TMEM132C: variants seen among roughly 807,000 people sequenced by gnomAD.
TMEM132C encodes protein phosphatase 1, regulatory subunit 152.
A neutral mutation model predicts 61.4 loss-of-function variants in TMEM132C; 29 were observed. The ratio of observed to expected loss-of-function variants is 0.47; its 90% CI spans 0.35 to 0.64. The LOEUF is 0.64. Among genes scored for constraint, TMEM132C ranks in the 30% least tolerant of loss-of-function variants. TMEM132C has a pLI of 0.00. For missense variants in TMEM132C, 1,408 were observed against 1,476.9 expected, an observed-to-expected ratio of 0.95 and a Z score of 0.76; for synonymous variants, 656 against 633.1, an observed-to-expected ratio of 1.04 and a Z score of -0.54.
chr12:128,631,596 T>A (rs1200684756), intron 4 of TMEM132C, among the ~76,000 whole-genome samples: 2 of 152,148 alleles, frequency 1.3e-5, no homozygotes, highest in Non-Finnish European at 2.9e-5. Flanking sequence ...TCAGCACAAT[T>A]TTGGAGCAGG....
intron 4 of TMEM132C, among the ~76,000 whole-genome samples, chr12:128,639,697 T>G (rs1954142464): frequency 6.6e-6 from 1 of 152,184 alleles, no homozygotes; most frequent in African/African-American, 2.4e-5. Flanking sequence ...GGTCTTCCAG[T>G]AGGCTGACCA....
At chr12:128,571,470 T>C (rs1874880917) in intron 3 of TMEM132C, among the ~76,000 whole-genome samples, 1 of 152,236 alleles carries the variant, frequency 6.6e-6, no homozygotes, top group African/African-American at 2.4e-5. Flanking sequence ...ACAATGAAAC[T>C]GTTGAGCAAC....
At chr12:128,540,856 G>C (rs567173935) in intron 2 of TMEM132C, among the ~76,000 whole-genome samples, 1 of 152,148 alleles carries the variant, frequency 6.6e-6, no homozygotes, top group South Asian at 2.1e-4. Context: ...CCCGCGGGTC[G>C]AGGGCTCACT....
chr12:128,537,752 T>G (rs1299083147), intron 2 of TMEM132C, among the ~76,000 whole-genome samples: 1 of 152,166 alleles, frequency 6.6e-6, no homozygotes, highest in East Asian at 1.9e-4. Flanking sequence ...GGATATAATT[T>G]CATAGAACTA....
intron 3 of TMEM132C, among the ~76,000 whole-genome samples, chr12:128,590,889 A>T (rs1018071455): frequency 6.6e-6 from 1 of 152,128 alleles, no homozygotes; most frequent in Non-Finnish European, 1.5e-5. Context: ...CCATCCTCCC[A>T]TCTCAGCCTC....
intron 2 of TMEM132C, among the ~76,000 whole-genome samples, chr12:128,529,741 G>C (rs959099294): frequency 1.3e-5 from 2 of 152,116 alleles, no homozygotes; most frequent in African/African-American, 2.4e-5. Context: ...AGCCGAGATC[G>C]TGCCACTGCA....
chr12:128,595,948 C>T (rs936364541), intron 3 of TMEM132C, among the ~76,000 whole-genome samples: 2 of 152,328 alleles, frequency 1.3e-5, no homozygotes, highest in Non-Finnish European at 1.5e-5. Context: ...CCCACCATGC[C>T]GTTAAGTCAG....
intron 4 of TMEM132C, among the ~76,000 whole-genome samples, chr12:128,631,329 C>T (rs1954063385): frequency 6.6e-6 from 1 of 152,184 alleles, no homozygotes; most frequent in Admixed American, 6.5e-5. Flanking sequence ...GGCCACTTTA[C>T]TGCACAGAGC....
At chr12:128,533,786 C>A (rs1873412628) in intron 2 of TMEM132C, among the ~76,000 whole-genome samples, 1 of 152,090 alleles carries the variant, frequency 6.6e-6, no homozygotes, top group African/African-American at 2.4e-5. Context: ...CAACCCATAA[C>A]AACAATAATT....
chr12:128,433,346 A>G (rs1257888948), intron 2 of TMEM132C, among the ~76,000 whole-genome samples: 2 of 152,126 alleles, frequency 1.3e-5, no homozygotes, highest in South Asian at 2.1e-4. Flanking sequence ...AAACAATCCA[A>G]TATTTTCTTT....
intron 2 of TMEM132C, among the ~76,000 whole-genome samples, chr12:128,499,343 T>C (rs1872077383): frequency 6.6e-6 from 1 of 152,220 alleles, no homozygotes; most frequent in African/African-American, 2.4e-5. Context: ...ATACAGTGTG[T>C]AATGATCAAA....
At chr12:128,601,629 A>T (rs1188935982) in intron 3 of TMEM132C, among the ~76,000 whole-genome samples, 1 of 148,862 alleles carries the variant, frequency 6.7e-6, no homozygotes, top group Non-Finnish European at 1.5e-5. Context: ...AGCCCTGGGG[A>T]AAAGCACAGG....
At chr12:128,315,818 C>T (rs10773526) in intron 1 of TMEM132C, among the ~76,000 whole-genome samples, 129,167 of 151,640 alleles carry the variant, frequency 0.85, 55,406 homozygotes, top group South Asian at 0.93. Flanking sequence ...GAGAAGGCCA[C>T]GCAGTGAAGA....
intron 2 of TMEM132C, among the ~76,000 whole-genome samples, chr12:128,490,272 A>G (rs184187711): frequency 2.0e-5 from 3 of 152,284 alleles, no homozygotes; most frequent in African/African-American, 7.2e-5. Context: ...TCATCTAGGC[A>G]ATGCTTGTAC....
At chr12:128,612,901 G>A (rs958392881) in intron 3 of TMEM132C, among the ~76,000 whole-genome samples, 4 of 152,202 alleles carry the variant, frequency 2.6e-5, no homozygotes, top group Admixed American at 6.5e-5. Flanking sequence ...CCTGGAGCAT[G>A]AGAAGTTGTG....
At chr12:128,527,707 ATGTGTG>A (rs5801799) in intron 2 of TMEM132C, among the ~76,000 whole-genome samples, 63 of 147,196 alleles carry the variant, frequency 4.3e-4, no homozygotes, top group Admixed American at 1.6e-3. Flanking sequence ...ATGTGCATGT[ATGTGTG>A]TGTGTGTGTG....
chr12:128,463,892 A>T (rs1327378163), intron 2 of TMEM132C, among the ~76,000 whole-genome samples: 1 of 152,056 alleles, frequency 6.6e-6, no homozygotes, highest in Non-Finnish European at 1.5e-5. Flanking sequence ...TGTGCAGGAG[A>T]CCAAGCCTCC....
At position 128,616,201 on chromosome 12, in the gene TMEM132C, A is replaced by G; in HGVS notation, c.1171A>G (p.Ser391Gly). ...TGTGCAGATGAACTTTGAAATAGCC[A>G]GTTTCAGCAGCCTTTCAGGGACTCA... ...EVVQMNFEIASFSSLSGTQPI... is the reference protein window; with the variant it reads ...EVVQMNFEIAGFSSLSGTQPI... The change falls in exon 4 of 9, where the codon AGT becomes GGT. Residue 391 changes from serine (S) to glycine (G), a missense_variant. Ser to Gly is a moderately conservative substitution (Grantham distance 56). Coordinates refer to ENST00000435159, the MANE Select transcript of TMEM132C (RefSeq NM_001136103.3). The G allele has an allele frequency of 1.9e-6, 3 of 1,551,768 alleles. No individual in the cohort carries two copies. Among genetic ancestry groups the G allele is most frequent in the Non-Finnish European group, 2.6e-6 (3 of 1,146,992 alleles).
intron 1 of TMEM132C, among the ~76,000 whole-genome samples, chr12:128,333,693 GTGTT>G (rs71926753): frequency 0.091 from 13,797 of 151,052 alleles, 820 homozygotes; most frequent in Middle Eastern, 0.19. Context: ...AGAGTGTGTG[GTGTT>G]TGTTTGTTGT....
Sources: gnomAD v4.1 joint callset for allele counts (sites outside exome capture counted in the v4.1 genomes callset) on GRCh38, gnomAD v4.1.1 for gene constraint, MANE v1.5 for transcripts, NCBI Gene and HGNC (gene_info 2026-07-23, HGNC 2026-07-21) for gene names.